Variants in ERICH1 observed in about 807,000 individuals in gnomAD.
ERICH1 encodes glutamate rich 1.
A neutral mutation model predicts 39.6 loss-of-function variants in ERICH1; 56 were observed. The ratio of observed to expected loss-of-function variants is 1.41; its 90% CI spans 1.14 to 1.77. ERICH1 has a LOEUF of 1.77. Among genes scored for constraint, ERICH1 ranks in the 40% most tolerant of loss-of-function variants. The pLI, the probability that ERICH1 is intolerant of heterozygous loss-of-function variation, is 0.00. For synonymous variants in ERICH1, 313 were observed against 223.6 expected (o/e 1.40, Z -3.57); for missense variants, 826 against 575.4 (o/e 1.44, Z -4.45).
chr8:660,607 G>A (rs990051497), downstream of ERICH1, among the ~76,000 whole-genome samples: 4 of 152,244 alleles, frequency 2.6e-5, no homozygotes, highest in Non-Finnish European at 5.9e-5. Context: ...AAATGGTGTC[G>A]TTTCAAGCCA....
At chr8:678,929 T>TCA (rs1489711483) in intron 3 of ERICH1, among the ~76,000 whole-genome samples, 2 of 152,014 alleles carry the variant, frequency 1.3e-5, no homozygotes, top group African/African-American at 4.8e-5. Flanking sequence ...CTGACGACCG[T>TCA]CACAGCTCTG....
intron 3 of ERICH1, among the ~76,000 whole-genome samples, chr8:653,007 A>C (rs765582811): frequency 1.2e-4 from 18 of 152,238 alleles, no homozygotes; most frequent in Non-Finnish European, 2.2e-4. Context: ...CTGGGAATGA[A>C]AAACGGTACA....
At chr8:632,227 G>A (rs772325177) in intron 3 of ERICH1, among the ~76,000 whole-genome samples, 1 of 152,050 alleles carries the variant, frequency 6.6e-6, no homozygotes, top group East Asian at 1.9e-4. Context: ...TTTTTCTATT[G>A]TGTGTCGTGT....
chr8:699,810 G>T (rs1258034806), intron 2 of ERICH1, among the ~76,000 whole-genome samples: 1 of 61,026 alleles, frequency 1.6e-5, no homozygotes, highest in African/African-American at 4.7e-5. Context: ...CACGCGCACA[G>T]ATCCGCACAA....
At chr8:675,479 G>C (rs867012374) in intron 3 of ERICH1, among the ~76,000 whole-genome samples, 4 of 464 alleles carry the variant, frequency 8.6e-3, no homozygotes, top group African/African-American at 0.018. Flanking sequence ...AGACGCGGCG[G>C]CCCCTCGGCG....
chr8:707,979 A>G (rs12375299), intron 2 of ERICH1, among the ~76,000 whole-genome samples: 36,879 of 152,160 alleles, frequency 0.24, 5,644 homozygotes, highest in Non-Finnish European at 0.34. Flanking sequence ...AACTGGGCAA[A>G]GGACGTAAGC....
chr8:676,656 G>T (rs1287044008), intron 3 of ERICH1, among the ~76,000 whole-genome samples: 11 of 152,170 alleles, frequency 7.2e-5, no homozygotes, highest in African/African-American at 2.7e-4. Context: ...TGGCGCACAC[G>T]CCCCGCCCCA....
At chr8:625,397 C>G (rs1797546354) in intron 3 of ERICH1, among the ~76,000 whole-genome samples, 1 of 152,136 alleles carries the variant, frequency 6.6e-6, no homozygotes, top group Non-Finnish European at 1.5e-5. Flanking sequence ...TCGTGCCTGT[C>G]TACAGGACAC....
Position 673,541 on chromosome 8 carries a change from C to T in ERICH1, c.811G>A (p.Glu271Lys). Reference protein sequence around the residue: ...AGEEDVKDAREEDGVDTIEED... With the variant: ...AGEEDVKDARKEDGVDTIEED... ...TCAATGGTGTCCACACCGTCCTCCT[C>T]CCTGGCGTCTTTAACGTCTTCCTCC... Residue 271 changes from glutamate (E) to lysine (K), a missense_variant, in exon 4 of 6, where the codon GAG (glutamate) becomes AAG (lysine). Physicochemically the swap from Glu to Lys is moderately conservative, Grantham distance 56. Coordinates refer to ENST00000262109, the MANE Select transcript of ERICH1 (RefSeq NM_207332.3). The T allele has an allele frequency of 5.6e-6, 9 of 1,613,062 alleles. No individual in the cohort carries two copies. Among genetic ancestry groups the T allele is most frequent in the Non-Finnish European group, 7.6e-6 (9 of 1,179,828 alleles).
rs1803972653 is a variant in ERICH1 at position 673,638 on chromosome 8, G to GCTAGCGTCCGCACCATCTTCCTCC, written c.690_713dup (p.Arg230_Ala237dup). 1 of 1,609,016 alleles carries GCTAGCGTCCGCACCATCTTCCTCC rather than the reference G, an allele frequency of 6.2e-7. No individual in the cohort carries two copies. On this transcript the variant is annotated inframe_insertion, in exon 4 of 6. Coordinates refer to ENST00000262109, the MANE Select transcript of ERICH1 (RefSeq NM_207332.3). ...GCCTGGCCCGTGTCAGGTCTTCCTC[G>GCTAGCGTCCGCACCATCTTCCTCC]CTAGCGTCCGCACCATCTTCCTCCC...
intron 2 of ERICH1, among the ~76,000 whole-genome samples, chr8:708,694 T>TTTTTTTTTTTG (rs1563319624): frequency 7.8e-6 from 1 of 128,318 alleles, no homozygotes; most frequent in Non-Finnish European, 1.7e-5. Context: ...TTTTTTTTTT[T>TTTTTTTTTTTG]TTTTTTTTTT....
At chr8:697,312 G>C (rs1227340651) in intron 2 of ERICH1, among the ~76,000 whole-genome samples, 7 of 152,264 alleles carry the variant, frequency 4.6e-5, no homozygotes, top group South Asian at 4.1e-4. Context: ...ACAGGCTTGG[G>C]CTTGTCTCTT....
At chr8:651,258 G>A (rs1250495016) in intron 3 of ERICH1, among the ~76,000 whole-genome samples, 2 of 152,204 alleles carry the variant, frequency 1.3e-5, no homozygotes, top group African/African-American at 4.8e-5. Context: ...GGGCTTAGGC[G>A]TCCTCATCTC....
intron 3 of ERICH1, among the ~76,000 whole-genome samples, chr8:692,269 C>CT (rs1356910455): frequency 1.3e-5 from 2 of 152,138 alleles, no homozygotes; most frequent in East Asian, 1.9e-4. Flanking sequence ...CATATGAAGT[C>CT]TTTTTTCCTG....
intron 3 of ERICH1, among the ~76,000 whole-genome samples, chr8:676,613 G>A (rs574662074): frequency 6.6e-6 from 1 of 152,324 alleles, no homozygotes; most frequent in South Asian, 2.1e-4. Flanking sequence ...GGGGGGAACA[G>A]AGGGTGTGTG....
rs374056507 is a variant in ERICH1, at chr8:692,583, G to T, written c.199C>A (p.Arg67=). 16 of 1,604,508 alleles carry T rather than the reference G, an allele frequency of 1.0e-5. No individual in the cohort carries two copies. Among genetic ancestry groups the T allele is most frequent in the Non-Finnish European group, 1.4e-5 (16 of 1,175,016 alleles). ...DTGSETPTAR[R]LYTASGPPEG... ...GGAGGCCCGCTGGCAGTGTAGAGCC[G>T]TCGGGCAGTCGGGGTCTCAGAGCCA... The change falls in exon 3 of 6, where the codon CGG becomes AGG. Residue 67 remains arginine (R), a synonymous_variant. Transcript: ENST00000262109.
chr8:670,585 C>A (rs973183815), intron 4 of ERICH1, among the ~76,000 whole-genome samples: 4 of 152,070 alleles, frequency 2.6e-5, no homozygotes, highest in Admixed American at 2.0e-4. Context: ...CTGCTGGGCT[C>A]GAGGGTCAGG....
At chr8:710,347 C>A (rs1224032498) in intron 2 of ERICH1, among the ~76,000 whole-genome samples, 1 of 151,720 alleles carries the variant, frequency 6.6e-6, no homozygotes, top group Non-Finnish European at 1.5e-5. Context: ...CTGCTCCTCC[C>A]AGTCCTCGGC....
rs754107855 is a variant in ERICH1 at position 673,268 on chromosome 8, G to A, written c.1063+21C>T. On this transcript the variant is annotated intron_variant, in intron 4 of 5. Transcript: ENST00000262109. ...TTTAAGTGGATGTCACTATGCAAGA[G>A]AAAAACAGTAAAAAACATACCGTCA... 1.9e-6 allele frequency: 3 copies of A among 1,578,152 alleles called. No individual in the cohort carries two copies. The African/African-American group carries it at 4.1e-5, about 21-fold the overall frequency.
Sources: allele counts gnomAD v4.1 joint callset (sites outside exome capture counted in the v4.1 genomes callset), GRCh38; gene constraint gnomAD v4.1.1; transcripts MANE v1.5; gene names NCBI Gene and HGNC (gene_info 2026-07-23, HGNC 2026-07-21).